The following ENPP7 variants were observed in gnomAD, a reference collection of about 807,000 sequenced individuals.
ENPP7 encodes the protein ectonucleotide pyrophosphatase/phosphodiesterase 7.
ENPP7 carries 39 observed loss-of-function variants against 33.6 expected under a neutral mutation model. That is an observed-to-expected ratio of 1.16 (90% CI 0.90 to 1.52). The LOEUF (loss-of-function observed/expected upper bound fraction) is 1.52. ENPP7 is among the 40% of genes most tolerant of loss of function. ENPP7 has a pLI of 0.00. For missense variants in ENPP7, 594 were observed against 641.0 expected, an observed-to-expected ratio of 0.93 and a Z score of 0.79; for synonymous variants, 244 against 274.3, an observed-to-expected ratio of 0.89 and a Z score of 1.09.
In ENPP7 at chr17:79,739,221, G is replaced by T. The variant is rs2094301391; in HGVS notation, c.*16+1159G>T. 6.6e-6 allele frequency: 1 copy of T among 152,576 alleles called. No homozygotes were observed. Among genetic ancestry groups the T allele is most frequent in the South Asian group, 2.1e-4 (1 of 4,828 alleles). 9.5% of individuals were successfully genotyped at this position (152,576 alleles called of 1,614,324 possible). On this transcript the variant is annotated intron_variant, in intron 5 of 5. Transcript: ENST00000328313. This position sits in a 1 kb window ranked among gnomAD's most constrained non-coding sequence, Gnocchi z 4.4. Reference sequence around the variant, plus strand: ...TCGGCGTGTTTGGGATGAGACAGAAGGCCAGTGTGCCTGCAGGTTGGCACA... The same window carrying T: ...TCGGCGTGTTTGGGATGAGACAGAATGCCAGTGTGCCTGCAGGTTGGCACA...
At chr17:79,732,151 C>CGTATATATATATGTATATATATATATAT (rs1185186021) in intron 1 of ENPP7, among the ~76,000 whole-genome samples, 1 of 25,884 alleles carries the variant, frequency 3.9e-5, no homozygotes, top group African/African-American at 1.5e-4. Flanking sequence ...TATATATATA[C>CGTATATATATATGTATATATATATATAT]ACACACATAT....
chr17:79,736,360 G>A (rs1436515345), intron 3 of ENPP7, among the ~76,000 whole-genome samples: 1 of 152,204 alleles, frequency 6.6e-6, no homozygotes, highest in Non-Finnish European at 1.5e-5. Context: ...CTCCATAGAG[G>A]CACTTCCTGT....
rs141362079 is a variant in ENPP7 at position 79,737,178 on chromosome 17, C to G, written c.1164C>G (p.Tyr388Ter). 5 of 1,613,658 alleles carry G rather than the reference C, an allele frequency of 3.1e-6. No homozygotes were observed. In the South Asian group the frequency reaches 3.3e-5, roughly 11 times the overall value. ...EVEPFESVHVYELMCRLLGIV... is the reference protein window; with the variant it reads ...EVEPFESVHV Reference sequence around the variant, plus strand: ...AGCCCTTTGAGAGCGTCCACGTGTACGAGCTCATGTGCCGGCTGCTGGGCA... The same window carrying G: ...AGCCCTTTGAGAGCGTCCACGTGTAGGAGCTCATGTGCCGGCTGCTGGGCA... The change falls in exon 4 of 6, where the codon TAC becomes TAG. Residue 388 changes from tyrosine to a stop codon, truncating the protein, a stop_gained. Coordinates refer to ENST00000328313, the MANE Select transcript of ENPP7 (RefSeq NM_178543.5). LOFTEE classifies it high-confidence loss of function. This position sits in a 1 kb window ranked among gnomAD's most constrained non-coding sequence, Gnocchi z 5.5.
At chr17:79,732,269 C>G (rs907103852) in intron 1 of ENPP7, among the ~76,000 whole-genome samples, 24 of 149,908 alleles carry the variant, frequency 1.6e-4, no homozygotes, top group Non-Finnish European at 2.8e-4. Context: ...AGAGCAAGAC[C>G]CTGTGTCAAA....
intron 1 of ENPP7, 96 bp from the exon 2 acceptor site, chr17:79,733,412 C>A: frequency 7.5e-7 from 1 of 1,327,100 alleles, no homozygotes; most frequent in Non-Finnish European, 1.1e-6. Context: ...ACAGGGAAAC[C>A]TGGGCTGTTT....
rs1426711172 is a variant in ENPP7, at chr17:79,735,905, T to G, written c.1026+236T>G. On this transcript the variant is annotated intron_variant, in intron 3 of 5. Coordinates refer to ENST00000328313, the MANE Select transcript of ENPP7 (RefSeq NM_178543.5). The surrounding 1 kb of genome is among the most constrained non-coding windows in gnomAD (Gnocchi z 5.5). Reference sequence around the variant, plus strand: ...ATGCCTGGCTAATTTTTGTGTGTGTTTTGTTTTGTTTTGTTTCATTTGAGA... The same window carrying G: ...ATGCCTGGCTAATTTTTGTGTGTGTGTTGTTTTGTTTTGTTTCATTTGAGA... 6.9e-6 allele frequency among the ~76,000 whole-genome samples: 1 copy of G among 144,292 alleles called. No individual in the cohort carries two copies. Among genetic ancestry groups the G allele is most frequent in the African/African-American group, 2.4e-5 (1 of 40,824 alleles). 94.7% of individuals were successfully genotyped at this position (144,292 alleles called of 152,430 possible).
chr17:79,732,130 A>ATATG (rs1555822655), intron 1 of ENPP7, among the ~76,000 whole-genome samples: 2 of 29,448 alleles, frequency 6.8e-5, no homozygotes, highest in African/African-American at 1.2e-4. Flanking sequence ...ACATATATAT[A>ATATG]TGTATATATA....
At chr17:79,740,021 G>A (rs1286572660) in intron 5 of ENPP7, among the ~76,000 whole-genome samples, 1 of 152,068 alleles carries the variant, frequency 6.6e-6, no homozygotes, top group Non-Finnish European at 1.5e-5. Flanking sequence ...GTTAGACCCC[G>A]TCTCTGTAGG....
chr17:79,736,544 T>TAC (rs879971463), intron 3 of ENPP7, among the ~76,000 whole-genome samples: 23,436 of 122,042 alleles, frequency 0.19, 3,070 homozygotes, highest in African/African-American at 0.42. Context: ...GGCGTGTGTG[T>TAC]GTGTGTGTGT....
At chr17:79,731,441 C>T (rs782190188) in intron 1 of ENPP7, 49 bp downstream of exon 1, 5 of 1,569,974 alleles carry the variant, frequency 3.2e-6, no homozygotes, top group East Asian at 4.5e-5. Flanking sequence ...GCCTGAGAAA[C>T]CAGATGGCAC....
intron 2 of ENPP7, 22 bp downstream of exon 2, chr17:79,733,675 C>T (rs1446174670): frequency 1.9e-6 from 3 of 1,594,010 alleles, no homozygotes; most frequent in African/African-American, 1.3e-5. Context: ...CCCGCCCATA[C>T]TGACATCGCA....
In ENPP7 at chr17:79,737,317, G is replaced by A. The variant is rs532751544; in HGVS notation, c.1246+57G>A. On this transcript the variant is annotated intron_variant, in intron 4 of 5. Coordinates refer to ENST00000328313, the MANE Select transcript of ENPP7 (RefSeq NM_178543.5). The surrounding 1 kb of genome is among the most constrained non-coding windows in gnomAD (Gnocchi z 5.5). ...CTCTGGTGTGTACACGTGTGCACAC[G>A]AGGGTGCCTGCATGCCTGTGACCAG... 2.1e-5 allele frequency: 29 copies of A among 1,394,918 alleles called. No individual in the cohort carries two copies. Among genetic ancestry groups the A allele is most frequent in the African/African-American group, 1.8e-4 (13 of 70,544 alleles). 86.4% of individuals were successfully genotyped at this position (1,394,918 alleles called of 1,614,324 possible). A position where few individuals can be genotyped will look rare whatever the true frequency, so the allele number is the denominator to read the frequency against.
In ENPP7 at chr17:79,735,663, C is replaced by A; in HGVS notation, c.1020C>A (p.Ile340=). ...TGTACAGCGACCTTGGCTACGTCAT[C>A]CATGGGGTGAGTCGCCTGCTGGAGG... ...LLMYSDLGYV[I]HGRINVQFNN... The change falls in exon 3 of 6, where the codon ATC becomes ATA. Residue 340 remains isoleucine, a synonymous_variant. Coordinates refer to ENST00000328313, the MANE Select transcript of ENPP7 (RefSeq NM_178543.5). The surrounding 1 kb of genome is among the most constrained non-coding windows in gnomAD (Gnocchi z 5.5). The A allele has an allele frequency of 6.2e-7, 1 of 1,603,752 alleles. No homozygotes were observed. Among genetic ancestry groups the A allele is most frequent in the Non-Finnish European group, 8.5e-7 (1 of 1,172,318 alleles).
At chr17:79,731,414 G>A (rs2094285271) in intron 1 of ENPP7, 22 bp downstream of exon 1, 1 of 1,594,380 alleles carries the variant, frequency 6.3e-7, no homozygotes, top group Non-Finnish European at 8.6e-7. Flanking sequence ...CCTGTGACGG[G>A]GCCTGGGGGT....
At chr17:79,736,973 G>A in intron 3 of ENPP7, 68 bp from the exon 4 acceptor site, 1 of 1,371,934 alleles carries the variant, frequency 7.3e-7, no homozygotes, top group Admixed American at 1.7e-5. Flanking sequence ...TCATAGGGTG[G>A]ATAGGGTAGG....
In ENPP7 at chr17:79,737,801, G is replaced by A; in HGVS notation, c.1247-115G>A. The stretch of plus-strand genomic sequence containing the variant: ...CAAAGGCCATGGGACCAAGGGGGCG[G>A]TGAAAGAGGAAGGAGGGGCTCGTGG... On this transcript the variant is annotated intron_variant, in intron 4 of 5. Transcript: ENST00000328313. The surrounding 1 kb of genome is among the most constrained non-coding windows in gnomAD (Gnocchi z 5.5). The A allele has an allele frequency of 8.6e-7, 1 of 1,164,682 alleles. No individual in the cohort carries two copies. Among genetic ancestry groups the A allele is most frequent in the Non-Finnish European group, 1.2e-6 (1 of 800,410 alleles). The allele number at this position is 1,164,682 out of a possible 1,614,324, so 72.1% of individuals were successfully genotyped here. A position where few individuals can be genotyped will look rare whatever the true frequency, so the allele number is the denominator to read the frequency against.
At position 79,737,014 on chromosome 17, in the gene ENPP7, C is replaced by A; in HGVS notation, c.1027-27C>A. On this transcript the variant is annotated intron_variant, in intron 3 of 5. Coordinates refer to ENST00000328313, the MANE Select transcript of ENPP7 (RefSeq NM_178543.5). The surrounding 1 kb of genome is among the most constrained non-coding windows in gnomAD (Gnocchi z 5.5). ...AGGGTCTGTTGCTCCCAGCAAGGAC[C>A]CAGGACCCTTGCCCGCTCCCCGGCA... The A allele has an allele frequency of 6.2e-7, 1 of 1,607,488 alleles. No individual in the cohort carries two copies. Among genetic ancestry groups the A allele is most frequent in the Non-Finnish European group, 8.5e-7 (1 of 1,174,520 alleles).
At position 79,735,066 on chromosome 17, in the gene ENPP7, C is replaced by G; in HGVS notation, c.423C>G (p.Phe141Leu). 1 of 1,612,964 alleles carries G rather than the reference C, an allele frequency of 6.2e-7. No individual in the cohort carries two copies. Among genetic ancestry groups the G allele is most frequent in the Non-Finnish European group, 8.5e-7 (1 of 1,179,996 alleles). ...QRQGLRAGSF[F>L]YPGGNVTYQG... ...AGGGCCTGAGGGCTGGCTCCTTCTT[C>G]TACCCGGGCGGGAACGTCACCTACC... is the stretch of plus-strand genomic sequence containing the variant. Residue 141 changes from phenylalanine to leucine, a missense_variant, in exon 3 of 6, where the codon TTC becomes TTG. Phe to Leu is a conservative substitution (Grantham distance 22). This residue lies in a region of ENPP7 where 504 missense variants were observed against 512.8 expected (regional missense o/e 0.98). Coordinates refer to ENST00000328313, the MANE Select transcript of ENPP7 (RefSeq NM_178543.5). The surrounding 1 kb of genome is among the most constrained non-coding windows in gnomAD (Gnocchi z 5.5).
rs1220314364 is a variant in ENPP7, at chr17:79,737,489, G to GCCCA, written c.1246+230_1246+231insCCAC. Among the ~76,000 whole-genome samples the GCCCA allele has an allele frequency of 1.8e-4, 27 of 152,312 alleles. No individual in the cohort carries two copies. Among genetic ancestry groups the GCCCA allele is most frequent in the Non-Finnish European group, 3.5e-4 (24 of 67,998 alleles). On this transcript the variant is annotated intron_variant, in intron 4 of 5. Coordinates refer to ENST00000328313, the MANE Select transcript of ENPP7 (RefSeq NM_178543.5). The surrounding 1 kb of genome is among the most constrained non-coding windows in gnomAD (Gnocchi z 5.5). ...GCGAGGGGGAGGAGTGGGCAGTCTT[G>GCCCA]CTCAAGAAGGGGCTGGAGGGAGCGA...
Sources: gnomAD v4.1 joint callset for allele counts (sites outside exome capture counted in the v4.1 genomes callset) on GRCh38, gnomAD v4.1.1 for gene constraint, gnomAD v4.1.1 regional missense constraint, Gnocchi (gnomAD v3.1) non-coding constraint, MANE v1.5 for transcripts, NCBI Gene and HGNC (gene_info 2026-07-23, HGNC 2026-07-21) for gene names.